APAF1: variants seen among roughly 807,000 people sequenced by gnomAD.
APAF1 encodes the protein apoptotic peptidase activating factor 1.
In APAF1, 91 loss-of-function variants were observed where a neutral mutation model predicts 152.4. That is an observed-to-expected ratio of 0.60 (90% CI 0.50 to 0.71). APAF1 has a LOEUF of 0.71. APAF1 is among the 30% of genes least tolerant of loss of function. The pLI is 0.00. For synonymous variants in APAF1, 484 were observed against 494.1 expected, an observed-to-expected ratio of 0.98 and a Z score of 0.27; for missense variants, 1,283 against 1,472.0, an observed-to-expected ratio of 0.87 and a Z score of 2.10.
chr12:98,699,661 T>TA (rs1326397988), intron 17 of APAF1, 92 bp downstream of exon 17: 1 of 1,441,252 alleles, frequency 6.9e-7, no homozygotes, highest in African/African-American at 1.4e-5. Context: ...TTCATAAAAA[T>TA]AAAGTCTAGC....
At position 98,727,801 on chromosome 12, in the gene APAF1, C is replaced by T. The variant is rs942505632; in HGVS notation, c.3600+485C>T. Among the ~76,000 whole-genome samples, 21 of 151,668 alleles carry T rather than the reference C, an allele frequency of 1.4e-4. No individual in the cohort carries two copies. In the East Asian group the frequency reaches 2.7e-3, roughly 20 times the overall value. On this transcript the variant is annotated intron_variant, in intron 26 of 26. Coordinates refer to ENST00000551964, the MANE Select transcript of APAF1 (RefSeq NM_181861.2). ...ACTAAAAATACAAAAAATAGCCGGG[C>T]GTGGTGGCATATGCCTGTAATCCCA... is the stretch of plus-strand genomic sequence containing the variant.
chr12:98,672,221 G>A (rs2153320228), intron 12 of APAF1, among the ~76,000 whole-genome samples: 1 of 152,118 alleles, frequency 6.6e-6, no homozygotes, highest in Non-Finnish European at 1.5e-5. Flanking sequence ...CTGGAGTGCA[G>A]TGGTGTGATC....
Position 98,712,322 on chromosome 12 carries a change from A to G in APAF1, c.2845A>G (p.Ile949Val), listed in dbSNP as rs1244055611. ...ATTTTGCCTCATTTTTCATTAGCTC[A>G]TTAATGGAAGAACAGGTCAGATTGA... Reference protein sequence around the residue: ...AVDHIRRLQLINGRTGQIDYL... With the variant: ...AVDHIRRLQLVNGRTGQIDYL... The change falls in exon 21 of 27, where the codon ATT (isoleucine) becomes GTT (valine). Residue 949 changes from isoleucine (I) to valine (V), a missense_variant. By Grantham distance (29) the Ile-to-Val change is conservative. Transcript: ENST00000551964. 2.5e-6 allele frequency: 4 copies of G among 1,600,248 alleles called. No individual in the cohort carries two copies. The East Asian group carries it at 6.7e-5, about 27-fold the overall frequency.
chr12:98,727,062 A>G (rs2097751609), intron 25 of APAF1, 111 bp from the exon 26 acceptor site: 1 of 987,894 alleles, frequency 1.0e-6, no homozygotes, highest in African/African-American at 1.6e-5. Flanking sequence ...TGTTTATAAT[A>G]AAGTCTAGTA....
rs769975027 is a variant in APAF1, at chr12:98,645,790, C to T, written c.-87C>T. ...CGGCCTGGAGTCTCCCAGTCTTGTC[C>T]CGGCAGTGCCGCCCTCCCCACTAAG... On this transcript the variant is annotated 5_prime_UTR_variant, in exon 1 of 27. Transcript: ENST00000551964. The T allele has an allele frequency of 3.3e-5, 5 of 152,308 alleles. No homozygotes were observed. The highest frequency in any genetic ancestry group is 5.9e-5 in the Non-Finnish European group (4 of 68,102). 9.4% of individuals were successfully genotyped at this position (152,308 alleles called of 1,614,324 possible).
intron 21 of APAF1, among the ~76,000 whole-genome samples, chr12:98,715,034 GACTT>G (rs997060868): frequency 2.1e-5 from 3 of 146,232 alleles, no homozygotes; most frequent in Non-Finnish European, 3.0e-5. Context: ...TCTCATCCAG[GACTT>G]ACTTACTTTC....
At chr12:98,713,005 T>C (rs1387015527) in intron 21 of APAF1, among the ~76,000 whole-genome samples, 1 of 151,050 alleles carries the variant, frequency 6.6e-6, no homozygotes, top group East Asian at 2.0e-4. Flanking sequence ...TTTGTAGAGA[T>C]GGAGGTTTCA....
intron 26 of APAF1, among the ~76,000 whole-genome samples, chr12:98,731,401 G>A (rs923077086): frequency 6.6e-6 from 1 of 152,150 alleles, no homozygotes; most frequent in Non-Finnish European, 1.5e-5. Flanking sequence ...ATCTCTAAGA[G>A]CCTTAGTGAC....
chr12:98,665,278 A>ATATATATATATATATATATATATATATAT (rs1491316422), intron 7 of APAF1, among the ~76,000 whole-genome samples: 52 of 65,950 alleles, frequency 7.9e-4, no homozygotes, highest in Non-Finnish European at 1.2e-3. Flanking sequence ...ATATATATAT[A>ATATATATATATATATATATATATATATAT]TTTTTTTTTT....
At chr12:98,670,455 A>T (rs574158174) in intron 10 of APAF1, among the ~76,000 whole-genome samples, 46 of 151,936 alleles carry the variant, frequency 3.0e-4, no homozygotes, top group Non-Finnish European at 4.6e-4. Flanking sequence ...TTTTATTAGA[A>T]TTTTCTATAA....
chr12:98,719,428 C>T (rs2097739134), intron 22 of APAF1, among the ~76,000 whole-genome samples: 1 of 152,100 alleles, frequency 6.6e-6, no homozygotes, highest in Admixed American at 6.5e-5. Context: ...TGGCTCACTG[C>T]AGCCTCCGCC....
intron 12 of APAF1, among the ~76,000 whole-genome samples, chr12:98,675,926 C>T (rs1004985884): frequency 2.6e-5 from 4 of 152,124 alleles, no homozygotes; most frequent in Admixed American, 6.5e-5. Flanking sequence ...GTAGTGGCAC[C>T]TTTATGTGTC....
intron 7 of APAF1, among the ~76,000 whole-genome samples, chr12:98,665,278 A>ATATATATATATTT (rs1491316422): frequency 4.5e-5 from 3 of 66,010 alleles, no homozygotes; most frequent in African/African-American, 1.7e-4. Flanking sequence ...ATATATATAT[A>ATATATATATATTT]TTTTTTTTTT....
intron 18 of APAF1, among the ~76,000 whole-genome samples, chr12:98,705,231 A>ATCTGGAG (rs1370343626): frequency 6.6e-6 from 1 of 152,202 alleles, no homozygotes; most frequent in Non-Finnish European, 1.5e-5. Context: ...TCTCCAGGAA[A>ATCTGGAG]CAATGAAAGA....
chr12:98,716,889 G>A (rs2097735352), intron 22 of APAF1, among the ~76,000 whole-genome samples: 1 of 150,588 alleles, frequency 6.6e-6, no homozygotes, highest in South Asian at 2.1e-4. Context: ...TTTTTGAGAT[G>A]GAGTCTCACT....
chr12:98,713,396 C>A (rs1461628214), intron 21 of APAF1, among the ~76,000 whole-genome samples: 3 of 152,128 alleles, frequency 2.0e-5, no homozygotes, highest in African/African-American at 7.2e-5. Flanking sequence ...TAAGTTGTTT[C>A]CATTTCGGTA....
rs149828175 is a variant in APAF1 at position 98,684,113 on chromosome 12, A to G, written c.2178+839A>G. ...ACATGATATTTTTGAGAGGGGTAGT[A>G]AAAGACATTTCAGTTTGGAAAACTT... On this transcript the variant is annotated intron_variant, in intron 15 of 26. Coordinates refer to ENST00000551964, the MANE Select transcript of APAF1 (RefSeq NM_181861.2). Among the ~76,000 whole-genome samples the G allele has an allele frequency of 3.9e-5, 6 of 152,322 alleles. No homozygotes were observed. The East Asian group carries it at 1.2e-3, about 29-fold the overall frequency.
intron 7 of APAF1, among the ~76,000 whole-genome samples, chr12:98,664,877 G>T (rs1037058655): frequency 2.0e-5 from 3 of 151,584 alleles, no homozygotes; most frequent in Non-Finnish European, 2.9e-5. Flanking sequence ...TTCCCATGTT[G>T]TTAAATATTT....
chr12:98,727,090 A>G (rs765321160), intron 25 of APAF1, 83 bp from the exon 26 acceptor site: 64 of 1,270,990 alleles, frequency 5.0e-5, no homozygotes, highest in Non-Finnish European at 7.2e-5. Flanking sequence ...TTTAGAATAC[A>G]TATATATGGA....
Sources: allele counts gnomAD v4.1 joint callset (sites outside exome capture counted in the v4.1 genomes callset), GRCh38; gene constraint gnomAD v4.1.1; transcripts MANE v1.5; gene names NCBI Gene and HGNC (gene_info 2026-07-23, HGNC 2026-07-21).